The following QRICH1 variants were observed in gnomAD, a reference collection of about 807,000 sequenced individuals.
QRICH1 encodes the protein transcriptional regulator QRICH1.
QRICH1 carries 16 observed loss-of-function variants against 87.1 expected under a neutral mutation model. The observed-to-expected ratio is 0.18, with a 90% CI of 0.12 to 0.28. The LOEUF (loss-of-function observed/expected upper bound fraction) is 0.28. Among genes scored for constraint, QRICH1 ranks in the 10% least tolerant of loss-of-function variants. QRICH1 has a pLI of 1.00. For synonymous variants in QRICH1, 367 were observed against 368.4 expected, an observed-to-expected ratio of 1.00 and a Z score of 0.05; for missense variants, 647 against 951.7, an observed-to-expected ratio of 0.68 and a Z score of 4.21.
At chr3:49,063,131 G>C (rs1386320232) in intron 2 of QRICH1, among the ~76,000 whole-genome samples, 2 of 152,152 alleles carry the variant, frequency 1.3e-5, no homozygotes, top group African/African-American at 2.4e-5. Context: ...TATAAAAGGG[G>C]AGAATGTCTA....
Position 49,056,980 on chromosome 3 carries a change from T to C in QRICH1, c.1220A>G (p.Gln407Arg). ...TATATGGACAGTTTGAGCCGTATTC[T>C]GGTACGTGCCTGCCACAGCCTGCAC... Reference protein sequence around the residue: ...VAVQAVAGTYQNTAQTVHIWD... With the variant: ...VAVQAVAGTYRNTAQTVHIWD... Residue 407 changes from glutamine to arginine, a missense_variant, in exon 3 of 10, where the codon CAG becomes CGG. Physicochemically the swap from Gln to Arg is conservative, Grantham distance 43 (BLOSUM62 1). Coordinates refer to ENST00000395443, the MANE Select transcript of QRICH1 (RefSeq NM_198880.3). The C allele has an allele frequency of 6.2e-7, 1 of 1,614,210 alleles. No homozygotes were observed. Among genetic ancestry groups the C allele is most frequent in the Non-Finnish European group, 8.5e-7 (1 of 1,180,038 alleles).
chr3:49,090,660 G>C (rs1176812584), intron 1 of QRICH1, among the ~76,000 whole-genome samples: 1 of 149,440 alleles, frequency 6.7e-6, no homozygotes, highest in Admixed American at 6.7e-5. Flanking sequence ...AAGAGAAAAA[G>C]AGAAAAATAT....
At chr3:49,065,537 A>G (rs1451090765) in intron 2 of QRICH1, among the ~76,000 whole-genome samples, 1 of 152,222 alleles carries the variant, frequency 6.6e-6, no homozygotes, top group Admixed American at 6.5e-5. Flanking sequence ...GCTATTATAC[A>G]TCACACATGG....
At chr3:49,058,518 G>C (rs2093416215) in intron 2 of QRICH1, among the ~76,000 whole-genome samples, 2 of 152,096 alleles carry the variant, frequency 1.3e-5, no homozygotes, top group South Asian at 4.1e-4. Flanking sequence ...TAGAGACGAG[G>C]TTTCACCATG....
intron 2 of QRICH1, among the ~76,000 whole-genome samples, chr3:49,060,370 T>C (rs911906803): frequency 5.9e-5 from 9 of 151,516 alleles, no homozygotes; most frequent in African/African-American, 1.5e-4. Context: ...ATTTTTTGTA[T>C]TGTTATTAGA....
intron 1 of QRICH1, among the ~76,000 whole-genome samples, chr3:49,085,582 C>G (rs2042153440): frequency 6.6e-6 from 1 of 151,876 alleles, no homozygotes; most frequent in African/African-American, 2.4e-5. Context: ...TGATGAAACC[C>G]CGCCTCTACT....
chr3:49,071,211 C>T (rs1275366020), intron 2 of QRICH1, among the ~76,000 whole-genome samples: 1 of 151,940 alleles, frequency 6.6e-6, no homozygotes, highest in African/African-American at 2.4e-5. Context: ...ACTACAGGCA[C>T]CCGCCACCAG....
chr3:49,052,498 T>C (rs2093376698), intron 3 of QRICH1, among the ~76,000 whole-genome samples: 1 of 152,014 alleles, frequency 6.6e-6, no homozygotes, highest in Non-Finnish European at 1.5e-5. Context: ...GAATCTCAAT[T>C]CTGCCCCTTT....
intron 5 of QRICH1, among the ~76,000 whole-genome samples, chr3:49,045,477 T>C (rs1213773581): frequency 1.3e-5 from 2 of 152,224 alleles, no homozygotes; most frequent in African/African-American, 2.4e-5. Context: ...GTAGACCAGA[T>C]TGAAGTGTGA....
At chr3:49,032,070 G>T in intron 9 of QRICH1, 113 bp downstream of exon 9, 1 of 870,266 alleles carries the variant, frequency 1.1e-6, no homozygotes, top group Non-Finnish European at 1.8e-6. Flanking sequence ...GTTTTTACTT[G>T]GTTTGGGACT....
At chr3:49,069,409 AT>A (rs1387625506) in intron 2 of QRICH1, among the ~76,000 whole-genome samples, 1 of 151,762 alleles carries the variant, frequency 6.6e-6, no homozygotes, top group Non-Finnish European at 1.5e-5. Context: ...GCTGAAAATT[AT>A]TTTTTACAGA....
At chr3:49,047,824 G>T (rs1559931576) in intron 3 of QRICH1, among the ~76,000 whole-genome samples, 1 of 151,846 alleles carries the variant, frequency 6.6e-6, no homozygotes, top group African/African-American at 2.4e-5. Context: ...ACTTACCCCA[G>T]AATCTCTCTG....
Position 49,064,681 on chromosome 3 carries a change from C to T in QRICH1, c.310-6791G>A, listed in dbSNP as rs553578531. Among the ~76,000 whole-genome samples the T allele has an allele frequency of 6.6e-5, 10 of 152,050 alleles. No homozygotes were observed. In the South Asian group the frequency reaches 8.3e-4, roughly 13 times the overall value. ...GAGATCGAGACCATCCTGGCTAACA[C>T]GGTGAAACCCCGTCTATACTAAAAC... On this transcript the variant is annotated intron_variant, in intron 2 of 9. Coordinates refer to ENST00000395443, the MANE Select transcript of QRICH1 (RefSeq NM_198880.3).
At position 49,057,286 on chromosome 3, in the gene QRICH1, G is replaced by A; in HGVS notation, c.914C>T (p.Thr305Ile). Reference sequence around the variant, plus strand: ...AACAGGGATGGTCCAGGTTTCTCCTGTAGGGCTAGTAATGGTCCCAGTGGC... The same window carrying A: ...AACAGGGATGGTCCAGGTTTCTCCTATAGGGCTAGTAATGGTCCCAGTGGC... ...YSATGTITSPTGETWTIPVYS... is the reference protein window; with the variant it reads ...YSATGTITSPIGETWTIPVYS... Residue 305 changes from threonine to isoleucine, a missense_variant, in exon 3 of 10, where the codon ACA becomes ATA. Thr to Ile is a moderately conservative substitution (Grantham distance 89). This residue lies in a region of QRICH1 where 75 missense variants were observed against 141.0 expected (regional missense o/e 0.53). Transcript: ENST00000395443. The surrounding 1 kb of genome is among the most constrained non-coding windows in gnomAD (Gnocchi z 5.4). 1.2e-6 allele frequency: 2 copies of A among 1,614,220 alleles called. No homozygotes were observed. The highest frequency in any genetic ancestry group is 8.5e-7 in the Non-Finnish European group (1 of 1,180,052).
chr3:49,033,486 A>G (rs1218732209), intron 6 of QRICH1: 1 of 317,662 alleles, frequency 3.1e-6, no homozygotes, highest in Non-Finnish European at 5.7e-6. Flanking sequence ...GATTGTTGTT[A>G]CCCTCTAATC....
chr3:49,092,296 G>T (rs560806182), intron 1 of QRICH1: 1 of 152,062 alleles, frequency 6.6e-6, no homozygotes, highest in African/African-American at 2.4e-5. Context: ...AATAGTTTCT[G>T]GAAGACAGCA....
intron 6 of QRICH1, among the ~76,000 whole-genome samples, chr3:49,043,548 A>T (rs1421575721): frequency 7.4e-6 from 1 of 135,640 alleles, no homozygotes; most frequent in Non-Finnish European, 1.6e-5. Flanking sequence ...AAAATAGGCC[A>T]GGCACGGTGG....
intron 2 of QRICH1, among the ~76,000 whole-genome samples, chr3:49,070,158 C>A (rs2093492752): frequency 6.6e-6 from 1 of 151,948 alleles, no homozygotes; most frequent in Non-Finnish European, 1.5e-5. Context: ...CTGCCTTAGC[C>A]TCCGAATAGC....
At chr3:49,047,880 T>C (rs1217821797) in intron 3 of QRICH1, among the ~76,000 whole-genome samples, 3 of 151,932 alleles carry the variant, frequency 2.0e-5, no homozygotes, top group South Asian at 2.1e-4. Context: ...TTGAGTAAGA[T>C]TGCACCACTG....
Sources: gnomAD v4.1 joint callset for allele counts (sites outside exome capture counted in the v4.1 genomes callset) on GRCh38, gnomAD v4.1.1 for gene constraint, gnomAD v4.1.1 regional missense constraint, Gnocchi (gnomAD v3.1) non-coding constraint, MANE v1.5 for transcripts, NCBI Gene and HGNC (gene_info 2026-07-23, HGNC 2026-07-21) for gene names.